ANO10: variants seen among roughly 807,000 people sequenced by gnomAD.
The protein encoded by ANO10 is anoctamin-10.
Under a neutral mutation model 74.7 loss-of-function variants are expected in ANO10, and 77 were observed. That is an observed-to-expected ratio of 1.03 (90% CI 0.86 to 1.25). The LOEUF is 1.25. Ranked by LOEUF, ANO10 falls within the 50% of genes most tolerant of loss-of-function variation. ANO10 has a pLI of 0.00. For synonymous variants in ANO10, 279 were observed against 284.9 expected, an observed-to-expected ratio of 0.98 and a Z score of 0.21; for missense variants, 721 against 778.1, an observed-to-expected ratio of 0.93 and a Z score of 0.87.
chr3:43,400,228 G>A (rs1288935461), intron 12 of ANO10, among the ~76,000 whole-genome samples: 3 of 151,804 alleles, frequency 2.0e-5, no homozygotes, highest in Admixed American at 6.6e-5. Flanking sequence ...GAGGCAAGTG[G>A]GGTATGCTCA....
chr3:43,648,012 C>T (rs2083744914), intron 1 of ANO10, among the ~76,000 whole-genome samples: 1 of 152,160 alleles, frequency 6.6e-6, no homozygotes, highest in Admixed American at 6.5e-5. Context: ...TCTTTCTTCA[C>T]CTCTCTCAAG....
At chr3:43,555,596 A>G in intron 9 of ANO10, 127 bp from the exon 10 acceptor site, 1 of 857,248 alleles carries the variant, frequency 1.2e-6, no homozygotes. Context: ...ACCATACACC[A>G]GTGTTTCTCC....
At chr3:43,500,851 C>T (rs895292542) in intron 11 of ANO10, among the ~76,000 whole-genome samples, 1 of 152,180 alleles carries the variant, frequency 6.6e-6, no homozygotes, top group African/African-American at 2.4e-5. Flanking sequence ...TAAGCTTTGA[C>T]ATCTACATGA....
chr3:43,418,992 A>C (rs966843972), intron 12 of ANO10, among the ~76,000 whole-genome samples: 2 of 152,234 alleles, frequency 1.3e-5, no homozygotes, highest in Non-Finnish European at 2.9e-5. Flanking sequence ...CCACGTGCCT[A>C]AAGTATTTAT....
At chr3:43,460,263 A>G (rs151183199) in intron 11 of ANO10, among the ~76,000 whole-genome samples, 122 of 152,322 alleles carry the variant, frequency 8.0e-4, no homozygotes, top group African/African-American at 2.8e-3. Context: ...AGCCTTGGAA[A>G]GGCTTTGTAC....
At chr3:43,688,757 T>C (rs1296311511) in intron 1 of ANO10, among the ~76,000 whole-genome samples, 2 of 151,614 alleles carry the variant, frequency 1.3e-5, no homozygotes, top group Non-Finnish European at 1.5e-5. Flanking sequence ...GGCAGGAGAA[T>C]TGCTTGAACC....
intron 12 of ANO10, among the ~76,000 whole-genome samples, chr3:43,407,076 G>C (rs1338727025): frequency 6.6e-6 from 1 of 152,034 alleles, no homozygotes; most frequent in Non-Finnish European, 1.5e-5. Flanking sequence ...GCTAATTTTT[G>C]TATTTTTAGT....
chr3:43,453,102 C>T (rs1057390187), intron 11 of ANO10, among the ~76,000 whole-genome samples: 6 of 151,840 alleles, frequency 4.0e-5, no homozygotes, highest in African/African-American at 7.3e-5. Context: ...TTGCAAATAT[C>T]TGCAACCTTT....
At chr3:43,580,738 C>G (rs1425319678) in intron 4 of ANO10, among the ~76,000 whole-genome samples, 1 of 152,178 alleles carries the variant, frequency 6.6e-6, no homozygotes, top group Non-Finnish European at 1.5e-5. Context: ...CCGTTAGTCT[C>G]TCTTTCCCCT....
chr3:43,498,990 T>G (rs2077008294), intron 11 of ANO10, among the ~76,000 whole-genome samples: 1 of 152,180 alleles, frequency 6.6e-6, no homozygotes, highest in Non-Finnish European at 1.5e-5. Context: ...CAGACCCGAC[T>G]ACCTGAGGTG....
intron 1 of ANO10, among the ~76,000 whole-genome samples, chr3:43,655,099 T>A (rs1265829075): frequency 6.6e-6 from 1 of 152,182 alleles, no homozygotes; most frequent in Admixed American, 6.5e-5. Flanking sequence ...TTTACACGTA[T>A]ACACAGTAAA....
At chr3:43,454,175 G>A (rs1256068825) in intron 11 of ANO10, among the ~76,000 whole-genome samples, 1 of 152,170 alleles carries the variant, frequency 6.6e-6, no homozygotes, top group Admixed American at 6.5e-5. Context: ...AAGGCCCTGA[G>A]GCAGTAGCCT....
chr3:43,485,942 T>C, intron 11 of ANO10: 1 of 234,148 alleles, frequency 4.3e-6, no homozygotes, highest in Non-Finnish European at 8.7e-6. Flanking sequence ...TACAGTTAAT[T>C]GCACTTGAAG....
At chr3:43,435,487 T>A (rs926915334) in intron 11 of ANO10, among the ~76,000 whole-genome samples, 4 of 138,812 alleles carry the variant, frequency 2.9e-5, no homozygotes, top group Non-Finnish European at 6.2e-5. Context: ...CCAGCCTGGG[T>A]GACAGAGCGA....
chr3:43,493,256 T>C (rs2076795250), intron 11 of ANO10, among the ~76,000 whole-genome samples: 2 of 152,074 alleles, frequency 1.3e-5, no homozygotes, highest in Admixed American at 6.6e-5. Context: ...GAGGGCGACA[T>C]CACACACCAG....
chr3:43,527,860 A>G (rs950560095), intron 11 of ANO10, among the ~76,000 whole-genome samples: 2 of 152,214 alleles, frequency 1.3e-5, no homozygotes, highest in African/African-American at 4.8e-5. Flanking sequence ...TCAAAAGGAT[A>G]GTGCTTGAAA....
chr3:43,691,182 T>G (rs1575596170), intron 1 of ANO10: 3 of 796,300 alleles, frequency 3.8e-6, no homozygotes, highest in Non-Finnish European at 5.2e-6. Context: ...CCGGCATGAG[T>G]CCGCGCGGCG....
chr3:43,440,987 T>C (rs1285390973), intron 11 of ANO10, among the ~76,000 whole-genome samples: 1 of 151,902 alleles, frequency 6.6e-6, no homozygotes. Flanking sequence ...AGAAAATATC[T>C]TGAAGCAAAT....
chr3:43,571,716 GGGAGATATACCTA>G (rs1358661882), intron 7 of ANO10, among the ~76,000 whole-genome samples: 1 of 151,486 alleles, frequency 6.6e-6, no homozygotes, highest in Non-Finnish European at 1.5e-5. Flanking sequence ...GGATAGCATT[GGGAGATATACCTA>G]ATGCTAGATG....
Sources: allele counts gnomAD v4.1 joint callset (sites outside exome capture counted in the v4.1 genomes callset), GRCh38; gene constraint gnomAD v4.1.1; transcripts MANE v1.5; gene names NCBI Gene and HGNC (gene_info 2026-07-23, HGNC 2026-07-21).